The following SLC9A1 variants were observed in gnomAD, a reference collection of about 807,000 sequenced individuals.
SLC9A1 encodes the protein sodium/hydrogen exchanger 1.
A neutral mutation model predicts 67.9 loss-of-function variants in SLC9A1; 22 were observed. That is an observed-to-expected ratio of 0.32 (90% CI 0.23 to 0.46). SLC9A1 has a LOEUF of 0.46. Ranked by LOEUF, SLC9A1 falls within the 20% of genes least tolerant of loss-of-function variation. SLC9A1 has a pLI of 1.00. For missense variants in SLC9A1, 686 were observed against 1,094.8 expected, an observed-to-expected ratio of 0.63 and a Z score of 5.27; for synonymous variants, 421 against 471.8, an observed-to-expected ratio of 0.89 and a Z score of 1.40.
intron 1 of SLC9A1, among the ~76,000 whole-genome samples, chr1:27,127,797 C>A (rs761784154): frequency 5.3e-5 from 8 of 152,162 alleles, no homozygotes; most frequent in Non-Finnish European, 1.2e-4. Context: ...TGGGTGAGCA[C>A]CCCCTCCATC....
At chr1:27,151,717 C>A (rs2083529573) in intron 1 of SLC9A1, among the ~76,000 whole-genome samples, 1 of 152,182 alleles carries the variant, frequency 6.6e-6, no homozygotes, top group Non-Finnish European at 1.5e-5. Context: ...TGCTAAGTGG[C>A]AGAGTGGTGG....
Position 27,106,118 on chromosome 1 carries a change from C to A in SLC9A1, c.1283-31G>T. The A allele has an allele frequency of 6.7e-7, 1 of 1,483,788 alleles. No individual in the cohort carries two copies. The highest frequency in any genetic ancestry group is 1.1e-5 in the South Asian group (1 of 87,416). The allele number at this position is 1,483,788 out of a possible 1,614,324, so 91.9% of individuals were successfully genotyped here. A position where few individuals can be genotyped will look rare whatever the true frequency, so the allele number is the denominator to read the frequency against. Reference sequence around the variant, plus strand: ...GGGGAAGGCAGGGGGTGATGAGGGTCAGGTCGGGCTGTCCCCAGTCCCTCC... The same window carrying A: ...GGGGAAGGCAGGGGGTGATGAGGGTAAGGTCGGGCTGTCCCCAGTCCCTCC... On this transcript the variant is annotated intron_variant, in intron 4 of 11. Coordinates refer to ENST00000263980, the MANE Select transcript of SLC9A1 (RefSeq NM_003047.5). The surrounding 1 kb of genome is among the most constrained non-coding windows in gnomAD (Gnocchi z 4.3).
At chr1:27,116,383 T>C (rs2083272453) in intron 1 of SLC9A1, among the ~76,000 whole-genome samples, 1 of 151,656 alleles carries the variant, frequency 6.6e-6, no homozygotes, top group Admixed American at 6.6e-5. Context: ...AGACTCCATC[T>C]TGAAAAAAAA....
chr1:27,102,048 G>A lies in SLC9A1; in HGVS notation c.1903C>T (p.Leu635=), dbSNP rs535036328. 5.6e-6 allele frequency: 9 copies of A among 1,613,998 alleles called. No homozygotes were observed. The South Asian group carries it at 9.9e-5, about 18-fold the overall frequency. ...CTGGTCTTCTGCAAGTTGTTCCTCA[G>A]GATTTTGCGGATCTCCTCCTCCTTG... ...KDKEEEIRKI[L]RNNLQKTRQR... Residue 635 remains leucine, a synonymous_variant, in exon 9 of 12, where the codon CTG becomes TTG. Coordinates refer to ENST00000263980, the MANE Select transcript of SLC9A1 (RefSeq NM_003047.5).
At chr1:27,151,892 G>A (rs2083531107) in intron 1 of SLC9A1, among the ~76,000 whole-genome samples, 1 of 152,142 alleles carries the variant, frequency 6.6e-6, no homozygotes, top group South Asian at 2.1e-4. Flanking sequence ...GGCAGAAACA[G>A]ACTTTTGGAA....
Position 27,102,149 on chromosome 1 carries a change from G to C in SLC9A1, c.1821-19C>G, listed in dbSNP as rs755965694. The C allele has an allele frequency of 6.3e-7, 1 of 1,583,152 alleles. No homozygotes were observed. Among genetic ancestry groups the C allele is most frequent in the Non-Finnish European group, 8.7e-7 (1 of 1,152,064 alleles). On this transcript the variant is annotated intron_variant, in intron 8 of 11. Transcript: ENST00000263980. ...GATGTTCCTGGGGCAATAGGGCATC[G>C]GTTAGGTCCCCAAGATTCTTGGGAT...
intron 1 of SLC9A1, among the ~76,000 whole-genome samples, chr1:27,151,295 T>C (rs1327907756): frequency 2.6e-5 from 4 of 152,222 alleles, no homozygotes; most frequent in Non-Finnish European, 5.9e-5. Context: ...TTTATGTGCA[T>C]TTATTTATGT....
chr1:27,130,261 C>T (rs370709465), intron 1 of SLC9A1, among the ~76,000 whole-genome samples: 7 of 152,172 alleles, frequency 4.6e-5, no homozygotes, highest in East Asian at 1.9e-4. Flanking sequence ...CCACCACACT[C>T]GGTTAATTTT....
At chr1:27,125,830 A>G (rs1483547666) in intron 1 of SLC9A1, among the ~76,000 whole-genome samples, 5 of 151,678 alleles carry the variant, frequency 3.3e-5, no homozygotes, top group Admixed American at 3.3e-4. Flanking sequence ...TGACCTCGTG[A>G]TCCGCCCACC....
Position 27,154,614 on chromosome 1 carries a change from G to A in SLC9A1, c.-280C>T, listed in dbSNP as rs998634405. On this transcript the variant is annotated 5_prime_UTR_variant, in exon 1 of 12. Coordinates refer to ENST00000263980, the MANE Select transcript of SLC9A1 (RefSeq NM_003047.5). ...TCCGGGCCTGGGAAGGGGGAGGACG[G>A]ATGTGGGAAACTGAGCCCTAGGGAT... 5.1e-6 allele frequency: 2 copies of A among 389,872 alleles called. No homozygotes were observed. The highest frequency in any genetic ancestry group is 9.3e-6 in the Non-Finnish European group (2 of 215,192). The allele number at this position is 389,872 out of a possible 1,614,324, so 24.2% of individuals were successfully genotyped here. A position where few individuals can be genotyped will look rare whatever the true frequency, so the allele number is the denominator to read the frequency against.
chr1:27,101,937 C>G lies in SLC9A1; in HGVS notation c.1935+79G>C. 7.0e-7 allele frequency: 1 copy of G among 1,427,346 alleles called. No individual in the cohort carries two copies. The highest frequency in any genetic ancestry group is 1.4e-5 in the African/African-American group (1 of 71,324). 88.4% of individuals were successfully genotyped at this position (1,427,346 alleles called of 1,614,324 possible). A position where few individuals can be genotyped will look rare whatever the true frequency, so the allele number is the denominator to read the frequency against. On this transcript the variant is annotated intron_variant, in intron 9 of 11. Transcript: ENST00000263980. This position sits in a 1 kb window ranked among gnomAD's most constrained non-coding sequence, Gnocchi z 4.9. ...GTCCTGGGGTGGGTGCCGAGGGGCA[C>G]GGGCAGGGCAGGGCTGCCGTAGAGA...
intron 1 of SLC9A1, among the ~76,000 whole-genome samples, chr1:27,133,228 C>T (rs11247608): frequency 0.11 from 17,211 of 152,076 alleles, 2,206 homozygotes; most frequent in East Asian, 0.61. Context: ...CCACCACGCC[C>T]GGCTAATTTC....
chr1:27,139,118 C>G (rs1312695658), intron 1 of SLC9A1, among the ~76,000 whole-genome samples: 4 of 152,144 alleles, frequency 2.6e-5, no homozygotes, highest in South Asian at 4.1e-4. Flanking sequence ...TTATTTCTCA[C>G]TGACTCCTCA....
chr1:27,139,229 C>A (rs1178952713), intron 1 of SLC9A1, among the ~76,000 whole-genome samples: 2 of 152,162 alleles, frequency 1.3e-5, no homozygotes, highest in Non-Finnish European at 2.9e-5. Context: ...ACGGCCATTG[C>A]CTGATTGGTC....
intron 1 of SLC9A1, among the ~76,000 whole-genome samples, chr1:27,121,102 T>A (rs140889327): frequency 3.3e-5 from 5 of 152,172 alleles, no homozygotes; most frequent in African/African-American, 1.2e-4. Context: ...TGGGCAAGCA[T>A]CCTTCCCCAT....
chr1:27,109,099 G>A lies in SLC9A1; in HGVS notation c.1064+428C>T, dbSNP rs1021310290. Reference sequence around the variant, plus strand: ...CAGACCCGGTGGAGACCTCAGGACCGCCAGGACTCAGGCCTGGTGAGCCTC... The same window carrying A: ...CAGACCCGGTGGAGACCTCAGGACCACCAGGACTCAGGCCTGGTGAGCCTC... On this transcript the variant is annotated intron_variant, in intron 3 of 11. Coordinates refer to ENST00000263980, the MANE Select transcript of SLC9A1 (RefSeq NM_003047.5). The surrounding 1 kb of genome is among the most constrained non-coding windows in gnomAD (Gnocchi z 5.5). Among the ~76,000 whole-genome samples the A allele has an allele frequency of 4.6e-5, 7 of 152,090 alleles. No homozygotes were observed. The highest frequency in any genetic ancestry group is 3.9e-4 in the East Asian group (2 of 5,156).
chr1:27,130,860 G>A (rs139005919), intron 1 of SLC9A1, among the ~76,000 whole-genome samples: 24 of 152,326 alleles, frequency 1.6e-4, no homozygotes, highest in African/African-American at 5.8e-4. Context: ...GGTCCTCAGG[G>A]CACAGGTTCT....
intron 1 of SLC9A1, among the ~76,000 whole-genome samples, chr1:27,150,331 T>C (rs2083518089): frequency 6.6e-6 from 1 of 152,238 alleles, no homozygotes; most frequent in African/African-American, 2.4e-5. Flanking sequence ...TTTGTGTCCC[T>C]GGTCAGGAGA....
chr1:27,100,247 C>T lies in SLC9A1; in HGVS notation c.*60G>A, dbSNP rs931753556. 27 of 1,295,590 alleles carry T rather than the reference C, an allele frequency of 2.1e-5. No homozygotes were observed. The East Asian group carries it at 6.7e-4, about 32-fold the overall frequency. 80.3% of individuals were successfully genotyped at this position (1,295,590 alleles called of 1,614,324 possible). The stretch of plus-strand genomic sequence containing the variant: ...CAGGAAGGGCAAGGGGAGCCCCCAG[C>T]AGCCCCTGCTCTGGTGGAAGAGTCT... On this transcript the variant is annotated 3_prime_UTR_variant, in exon 12 of 12. Transcript: ENST00000263980. This position sits in a 1 kb window ranked among gnomAD's most constrained non-coding sequence, Gnocchi z 5.6.
Sources: gnomAD v4.1 joint callset for allele counts (sites outside exome capture counted in the v4.1 genomes callset) on GRCh38, gnomAD v4.1.1 for gene constraint, Gnocchi (gnomAD v3.1) non-coding constraint, MANE v1.5 for transcripts, NCBI Gene and HGNC (gene_info 2026-07-23, HGNC 2026-07-21) for gene names.